KMT2C: variants seen among roughly 807,000 people sequenced by gnomAD.
KMT2C encodes histone-lysine N-methyltransferase 2C.
A neutral mutation model predicts 507.9 loss-of-function variants in KMT2C; 88 were observed. That is an observed-to-expected ratio of 0.17 (90% CI 0.15 to 0.21). The LOEUF is 0.21. Ranked by LOEUF, KMT2C falls within the 10% of genes least tolerant of loss-of-function variation. The pLI is 1.00. For synonymous variants in KMT2C, 2,049 were observed against 2,080.8 expected, an observed-to-expected ratio of 0.98 and a Z score of 0.42; for missense variants, 4,954 against 5,957.8, an observed-to-expected ratio of 0.83 and a Z score of 5.55.
intron 1 of KMT2C, chr7:152,368,394 T>C (rs554920547): frequency 2.7e-6 from 3 of 1,126,944 alleles, no homozygotes; most frequent in Non-Finnish European, 3.9e-6. Flanking sequence ...AGTATGCAGC[T>C]AAAATGAAGA....
chr7:152,367,011 T>C (rs1014418058), intron 1 of KMT2C: 2 of 584,890 alleles, frequency 3.4e-6, no homozygotes, highest in Non-Finnish European at 6.0e-6. Context: ...TTGCCTCACC[T>C]GAGCCTGGGC....
chr7:152,270,840 G>T (rs1218242423), intron 7 of KMT2C, among the ~76,000 whole-genome samples: 2 of 152,154 alleles, frequency 1.3e-5, no homozygotes, highest in African/African-American at 4.8e-5. Flanking sequence ...CCCTAAAAGT[G>T]TTTCCTGAAG....
intron 2 of KMT2C, among the ~76,000 whole-genome samples, chr7:152,341,633 A>C (rs916067347): frequency 6.6e-6 from 1 of 152,184 alleles, no homozygotes; most frequent in Non-Finnish European, 1.5e-5. Context: ...GACAGACAAC[A>C]CCAATATCTA....
intron 37 of KMT2C, among the ~76,000 whole-genome samples, 170 bp downstream of exon 37, chr7:152,179,664 G>C (rs903343770): frequency 2.8e-4 from 33 of 116,932 alleles, no homozygotes; most frequent in African/African-American, 1.1e-3. Flanking sequence ...GAGGTTGGGG[G>C]GGGGGGGGGG....
chr7:152,394,459 T>G (rs2097524811), intron 1 of KMT2C, among the ~76,000 whole-genome samples: 1 of 152,250 alleles, frequency 6.6e-6, no homozygotes, highest in East Asian at 1.9e-4. Context: ...TTGCACTCAC[T>G]GTTCCCCGCA....
At chr7:152,266,417 A>G (rs569477201) in intron 7 of KMT2C, among the ~76,000 whole-genome samples, 17 of 151,968 alleles carry the variant, frequency 1.1e-4, no homozygotes, top group African/African-American at 4.1e-4. Context: ...TCTAATTTTT[A>G]TATTTTCAGT....
intron 1 of KMT2C, among the ~76,000 whole-genome samples, chr7:152,408,815 A>T (rs1451307987): frequency 0.04 from 4,381 of 109,240 alleles, 84 homozygotes; most frequent in Middle Eastern, 0.11. Context: ...AGGTTTTGTT[A>T]AAAAAAAAAA....
At chr7:152,373,284 A>C (rs2097305319) in intron 1 of KMT2C, among the ~76,000 whole-genome samples, 1 of 152,224 alleles carries the variant, frequency 6.6e-6, no homozygotes, top group African/African-American at 2.4e-5. Flanking sequence ...CTCCATGAAG[A>C]CTAGAAATTT....
intron 1 of KMT2C, among the ~76,000 whole-genome samples, chr7:152,381,359 G>T (rs1029289818): frequency 5.3e-5 from 8 of 151,752 alleles, no homozygotes; most frequent in Admixed American, 1.3e-4. Flanking sequence ...GGGGCAGGGA[G>T]GGGGGGAGGG....
At chr7:152,170,349 AGCTCCCTT>A (rs2092908120) in intron 40 of KMT2C, among the ~76,000 whole-genome samples, 1 of 146,902 alleles carries the variant, frequency 6.8e-6, no homozygotes, top group African/African-American at 2.7e-5. Flanking sequence ...TATAGTAGGT[AGCTCCCTT>A]TATAAAAAAA....
chr7:152,215,600 A>AT (rs1223427545), intron 23 of KMT2C, among the ~76,000 whole-genome samples: 1 of 150,264 alleles, frequency 6.7e-6, no homozygotes, highest in Non-Finnish European at 1.5e-5. Context: ...TAAATTGCTT[A>AT]TATTTCCATA....
chr7:152,213,938 G>T (rs2094512974), intron 23 of KMT2C, among the ~76,000 whole-genome samples: 1 of 152,020 alleles, frequency 6.6e-6, no homozygotes, highest in Admixed American at 6.6e-5. Context: ...TTTTTCCAAA[G>T]TCACACAAAT....
At chr7:152,340,103 C>T (rs958798588) in intron 2 of KMT2C, among the ~76,000 whole-genome samples, 1 of 151,690 alleles carries the variant, frequency 6.6e-6, no homozygotes, top group Admixed American at 6.6e-5. Context: ...CCCACCTCAG[C>T]TTCCCCACTA....
rs937504844 is a variant in KMT2C, at chr7:152,295,897, T to G, written c.849+14069A>C. ...CTAGCTAACACGGTGAAACCCCGTC[T>G]CTACTAAAAATACAAAAAAAATTAG... On this transcript the variant is annotated intron_variant, in intron 6 of 58. Transcript: ENST00000262189. 2.6e-5 allele frequency among the ~76,000 whole-genome samples: 4 copies of G among 151,230 alleles called. No homozygotes were observed. In the South Asian group the frequency reaches 8.3e-4, roughly 32 times the overall value.
chr7:152,389,478 C>CT (rs34188557), intron 1 of KMT2C, among the ~76,000 whole-genome samples: 197 of 128,766 alleles, frequency 1.5e-3, no homozygotes, highest in South Asian at 7.6e-3. Flanking sequence ...TAATTATTTA[C>CT]TTTTTTTTTT....
At chr7:152,340,948 A>G (rs937537035) in intron 2 of KMT2C, among the ~76,000 whole-genome samples, 9 of 152,214 alleles carry the variant, frequency 5.9e-5, no homozygotes, top group African/African-American at 1.4e-4. Context: ...TAGGTGTTTT[A>G]TTTAGTTGTT....
intron 3 of KMT2C, among the ~76,000 whole-genome samples, chr7:152,318,676 A>AC (rs1491431650): frequency 4.6e-5 from 7 of 151,898 alleles, no homozygotes; most frequent in African/African-American, 1.7e-4. Context: ...GGAAGTATAA[A>AC]CACAAATGAC....
intron 6 of KMT2C, among the ~76,000 whole-genome samples, chr7:152,288,516 G>C (rs2096348264): frequency 6.6e-6 from 1 of 151,716 alleles, no homozygotes; most frequent in Non-Finnish European, 1.5e-5. Context: ...CTGGGCAAAA[G>C]AGCAAAACTC....
At chr7:152,222,270 T>C (rs1338269016) in intron 21 of KMT2C, among the ~76,000 whole-genome samples, 1 of 152,188 alleles carries the variant, frequency 6.6e-6, no homozygotes, top group Non-Finnish European at 1.5e-5. Context: ...AAAACCTGGC[T>C]AAGAAACAAT....
Sources: gnomAD v4.1 joint callset for allele counts (sites outside exome capture counted in the v4.1 genomes callset) on GRCh38, gnomAD v4.1.1 for gene constraint, MANE v1.5 for transcripts, NCBI Gene and HGNC (gene_info 2026-07-23, HGNC 2026-07-21) for gene names.